The following SLC10A7 variants were observed in gnomAD, a reference collection of about 807,000 sequenced individuals.
The protein encoded by SLC10A7 is sodium/bile acid cotransporter 7.
Under a neutral mutation model 43.2 loss-of-function variants are expected in SLC10A7, and 29 were observed. That is an observed-to-expected ratio of 0.67 (90% CI 0.50 to 0.92). The LOEUF (loss-of-function observed/expected upper bound fraction) is 0.92. SLC10A7 is among the 40% of genes least tolerant of loss of function. The probability of loss-of-function intolerance (pLI) is 0.00; values close to 1 mark genes in which losing one functional copy is unlikely to be tolerated. For synonymous variants in SLC10A7, 152 were observed against 144.8 expected (o/e 1.05, Z -0.35); for missense variants, 295 against 403.2 (o/e 0.73, Z 2.30).
chr4:146,478,259 C>T (rs1413999444), intron 4 of SLC10A7: 2 of 152,184 alleles, frequency 1.3e-5, no homozygotes, highest in African/African-American at 2.4e-5. Context: ...AGACTAATCT[C>T]CTCCCAGGAG....
chr4:146,502,439 CTT>C (rs540134781), intron 4 of SLC10A7, among the ~76,000 whole-genome samples: 8 of 152,094 alleles, frequency 5.3e-5, no homozygotes, highest in Non-Finnish European at 8.8e-5. Context: ...TTATAGGAGA[CTT>C]ATAACTATTT....
chr4:146,447,444 T>C (rs1224232974), intron 4 of SLC10A7, among the ~76,000 whole-genome samples: 1 of 152,108 alleles, frequency 6.6e-6, no homozygotes, highest in Non-Finnish European at 1.5e-5. Flanking sequence ...TGTTATTATC[T>C]CCTTTGTTAG....
rs1249971059 is a variant in SLC10A7, at chr4:146,400,553, T to C, written c.435+42230A>G. On this transcript the variant is annotated intron_variant, in intron 5 of 11. Transcript: ENST00000335472. ...CTGAGTGACTTATCGAAACGTTTTC[T>C]GAACATCTACTAGATGTGAGGCACT... is the stretch of plus-strand genomic sequence containing the variant. 2.6e-5 allele frequency among the ~76,000 whole-genome samples: 4 copies of C among 152,156 alleles called. No individual in the cohort carries two copies. The East Asian group carries it at 7.7e-4, about 29-fold the overall frequency.
chr4:146,409,443 G>T (rs1727990102), intron 5 of SLC10A7, among the ~76,000 whole-genome samples: 1 of 151,914 alleles, frequency 6.6e-6, no homozygotes, highest in Non-Finnish European at 1.5e-5. Context: ...AAACAGATCA[G>T]TGGTTGCCAA....
At chr4:146,415,942 A>G (rs1316121520) in intron 5 of SLC10A7, among the ~76,000 whole-genome samples, 1 of 152,200 alleles carries the variant, frequency 6.6e-6, no homozygotes, top group East Asian at 1.9e-4. Context: ...CCTAGCCTCT[A>G]TCTTGCTCAG....
chr4:146,504,163 A>G (rs1736678223), intron 3 of SLC10A7, among the ~76,000 whole-genome samples: 1 of 152,118 alleles, frequency 6.6e-6, no homozygotes, highest in Non-Finnish European at 1.5e-5. Flanking sequence ...GTTTTAAGCT[A>G]TTTAAGCTCT....
chr4:146,488,052 A>G (rs899838252), intron 4 of SLC10A7, among the ~76,000 whole-genome samples: 15 of 152,084 alleles, frequency 9.9e-5, no homozygotes, highest in Non-Finnish European at 2.9e-5. Flanking sequence ...TTAGTCAAGC[A>G]TGGTAGCACA....
At chr4:146,445,358 A>C (rs1198090205) in intron 4 of SLC10A7, among the ~76,000 whole-genome samples, 1 of 152,162 alleles carries the variant, frequency 6.6e-6, no homozygotes, top group Non-Finnish European at 1.5e-5. Context: ...GCACACAAGC[A>C]AACGGGTGTG....
chr4:146,481,080 C>T (rs1734431955), intron 4 of SLC10A7, among the ~76,000 whole-genome samples: 1 of 152,136 alleles, frequency 6.6e-6, no homozygotes. Flanking sequence ...CTCCAGCACA[C>T]CAGAGCAGTT....
intron 7 of SLC10A7, among the ~76,000 whole-genome samples, chr4:146,297,660 C>A (rs1730878792): frequency 6.6e-6 from 1 of 152,058 alleles, no homozygotes; most frequent in Non-Finnish European, 1.5e-5. Flanking sequence ...TCCTCTATTG[C>A]ACTAAATCCA....
At chr4:146,267,825 T>C (rs1399547308) in intron 10 of SLC10A7, among the ~76,000 whole-genome samples, 1 of 152,156 alleles carries the variant, frequency 6.6e-6, no homozygotes, top group Non-Finnish European at 1.5e-5. Flanking sequence ...TGAATCTACT[T>C]AGATTTAGGA....
chr4:146,385,822 G>A (rs2149796526), intron 5 of SLC10A7, among the ~76,000 whole-genome samples: 1 of 152,180 alleles, frequency 6.6e-6, no homozygotes, highest in Admixed American at 6.5e-5. Flanking sequence ...CCAGTGTTTA[G>A]CTCCCACTTA....
chr4:146,516,458 GTATGTGTATATGTATATGTGTA>G (rs988966164), intron 2 of SLC10A7, among the ~76,000 whole-genome samples: 1 of 145,488 alleles, frequency 6.9e-6, no homozygotes, highest in Admixed American at 6.8e-5. Context: ...ACACATATAT[GTATGTGTATATGTATATGTGTA>G]TATATATACA....
intron 5 of SLC10A7, among the ~76,000 whole-genome samples, chr4:146,419,980 A>G (rs866276497): frequency 3.9e-5 from 6 of 152,334 alleles, no homozygotes; most frequent in African/African-American, 1.4e-4. Context: ...AATACTAACG[A>G]ACATAATAAA....
intron 5 of SLC10A7, among the ~76,000 whole-genome samples, chr4:146,354,377 G>T (rs368278345): frequency 2.0e-5 from 3 of 152,002 alleles, no homozygotes; most frequent in Non-Finnish European, 4.4e-5. Flanking sequence ...CACTGCTCAA[G>T]GAAATAAAAG....
chr4:146,306,688 A>C (rs941031787), intron 6 of SLC10A7, among the ~76,000 whole-genome samples: 6 of 152,084 alleles, frequency 3.9e-5, no homozygotes, highest in Admixed American at 3.9e-4. Context: ...GCAGCACAAG[A>C]GTGCTTATCT....
intron 11 of SLC10A7, among the ~76,000 whole-genome samples, chr4:146,257,673 T>A (rs1048399192): frequency 2.6e-5 from 4 of 152,132 alleles, no homozygotes; most frequent in Admixed American, 1.3e-4. Context: ...CAAACACTCA[T>A]CACGTAATCC....
intron 6 of SLC10A7, among the ~76,000 whole-genome samples, chr4:146,310,464 T>TCTA (rs1289522225): frequency 6.6e-6 from 1 of 152,184 alleles, no homozygotes; most frequent in Non-Finnish European, 1.5e-5. Flanking sequence ...TTCTCTTTTC[T>TCTA]CTGTAGCCTC....
At chr4:146,487,737 T>C (rs1270646656) in intron 4 of SLC10A7, among the ~76,000 whole-genome samples, 2 of 152,116 alleles carry the variant, frequency 1.3e-5, no homozygotes, top group Admixed American at 1.3e-4. Context: ...CATACAATTA[T>C]ATGGAAGTTA....
Sources: gnomAD v4.1 joint callset for allele counts (sites outside exome capture counted in the v4.1 genomes callset) on GRCh38, gnomAD v4.1.1 for gene constraint, MANE v1.5 for transcripts, NCBI Gene and HGNC (gene_info 2026-07-23, HGNC 2026-07-21) for gene names.